The following DOCK1 variants were observed in gnomAD, a reference collection of about 807,000 sequenced individuals.
DOCK1 encodes dedicator of cytokinesis 1.
Under a neutral mutation model 262.7 loss-of-function variants are expected in DOCK1, and 138 were observed. The observed-to-expected ratio is 0.53, with a 90% CI of 0.46 to 0.61. DOCK1 has a LOEUF of 0.61. Among genes scored for constraint, DOCK1 ranks in the 20% least tolerant of loss-of-function variants. The pLI, the probability that DOCK1 is intolerant of heterozygous loss-of-function variation, is 0.00. For synonymous variants in DOCK1, 866 were observed against 867.4 expected (o/e 1.00, Z 0.03); for missense variants, 1,908 against 2,370.7 (o/e 0.80, Z 4.05).
intron 16 of DOCK1, among the ~76,000 whole-genome samples, chr10:127,026,966 C>T (rs146310835): frequency 1.3e-5 from 2 of 152,250 alleles, no homozygotes; most frequent in African/African-American, 4.8e-5. Flanking sequence ...TGTTCCATCA[C>T]ATTTTGTTAA....
At chr10:127,088,670 G>T (rs936828139) in intron 23 of DOCK1, among the ~76,000 whole-genome samples, 3 of 152,014 alleles carry the variant, frequency 2.0e-5, no homozygotes, top group African/African-American at 7.3e-5. Flanking sequence ...GGTTTTGGGA[G>T]GATTCCATTT....
intron 3 of DOCK1, among the ~76,000 whole-genome samples, chr10:126,979,170 G>A (rs982742777): frequency 4.6e-5 from 7 of 152,170 alleles, no homozygotes; most frequent in Non-Finnish European, 7.4e-5. Flanking sequence ...GTGGATGGTG[G>A]AATAGATTTC....
chr10:127,046,757 C>CAAAA (rs5788823), intron 21 of DOCK1, among the ~76,000 whole-genome samples: 11 of 73,354 alleles, frequency 1.5e-4, no homozygotes, highest in African/African-American at 2.7e-4. Flanking sequence ...CACTACGTCT[C>CAAAA]AAAAAAAAAA....
At chr10:127,031,801 C>G (rs565893173) in intron 17 of DOCK1, 48 bp downstream of exon 17, 28 of 1,535,496 alleles carry the variant, frequency 1.8e-5, no homozygotes, top group Middle Eastern at 1.7e-4. Context: ...CAGTTTCAGT[C>G]TTTTCTGGGC....
intron 47 of DOCK1, among the ~76,000 whole-genome samples, chr10:127,427,680 C>T (rs1156858820): frequency 6.6e-6 from 1 of 152,186 alleles, no homozygotes; most frequent in Non-Finnish European, 1.5e-5. Context: ...TTTGGCACCA[C>T]AGAGCTTCTC....
chr10:127,261,408 GGTGT>G (rs201926823), intron 29 of DOCK1, among the ~76,000 whole-genome samples: 44 of 111,216 alleles, frequency 4.0e-4, no homozygotes, highest in African/African-American at 1.1e-3. Context: ...TGTGCATGTG[GGTGT>G]GTGTGTACCC....
chr10:127,449,001 T>C (rs1211787697), intron 51 of DOCK1, among the ~76,000 whole-genome samples: 2 of 152,090 alleles, frequency 1.3e-5, no homozygotes, highest in African/African-American at 4.8e-5. Flanking sequence ...AAACAAGCAG[T>C]CATCTTTAAT....
chr10:127,440,618 C>T (rs867528364), intron 49 of DOCK1, among the ~76,000 whole-genome samples: 16 of 152,168 alleles, frequency 1.1e-4, no homozygotes, highest in South Asian at 2.1e-4. Flanking sequence ...ACTTAAAACC[C>T]AGAAGGTACG....
chr10:127,000,088 A>G, intron 9 of DOCK1, 84 bp from the exon 10 acceptor site: 12 of 1,498,580 alleles, frequency 8.0e-6, no homozygotes, highest in South Asian at 2.5e-5. Context: ...AAGAGTCTCA[A>G]TCCATTTTTT....
intron 4 of DOCK1, among the ~76,000 whole-genome samples, chr10:126,986,012 T>C (rs1258086386): frequency 6.6e-6 from 1 of 151,960 alleles, no homozygotes; most frequent in Non-Finnish European, 1.5e-5. Context: ...GCCCGGCTGA[T>C]TTTTTGTATT....
chr10:127,032,433 A>G (rs552757637), intron 18 of DOCK1, 113 bp downstream of exon 18: 3 of 1,122,884 alleles, frequency 2.7e-6, no homozygotes, highest in South Asian at 1.8e-5. Context: ...CGTCACCCAT[A>G]AGGCATTCAT....
At chr10:127,124,903 A>T (rs2049847371) in intron 25 of DOCK1, among the ~76,000 whole-genome samples, 3 of 152,170 alleles carry the variant, frequency 2.0e-5, no homozygotes, top group African/African-American at 2.4e-5. Context: ...GAGAAAATTC[A>T]TTAAAAAACC....
At chr10:127,207,679 AT>A (rs924797448) in intron 27 of DOCK1, among the ~76,000 whole-genome samples, 1 of 152,234 alleles carries the variant, frequency 6.6e-6, no homozygotes, top group African/African-American at 2.4e-5. Flanking sequence ...CATTATAAAT[AT>A]TTTGGACTTT....
intron 1 of DOCK1, among the ~76,000 whole-genome samples, chr10:126,967,415 G>A (rs2037755058): frequency 6.6e-6 from 1 of 152,158 alleles, no homozygotes; most frequent in African/African-American, 2.4e-5. Context: ...ACTTGTCTGG[G>A]TTTAGGTGCC....
rs1234182862 is a variant in DOCK1, at chr10:127,016,734, C to A, written c.1202-1976C>A. ...CATACGCACATACACACACACACAC[C>A]ACACACACACACACTAACACAGATA... On this transcript the variant is annotated intron_variant, in intron 12 of 51. Transcript: ENST00000623213. 2.8e-4 allele frequency among the ~76,000 whole-genome samples: 15 copies of A among 52,644 alleles called. No individual in the cohort carries two copies. The East Asian group carries it at 6.6e-3, about 23-fold the overall frequency. 34.5% of individuals were successfully genotyped at this position (52,644 alleles called of 152,430 possible). A position where few individuals can be genotyped will look rare whatever the true frequency, so the allele number is the denominator to read the frequency against.
chr10:127,404,104 C>T (rs969939272), intron 39 of DOCK1, among the ~76,000 whole-genome samples: 2 of 152,066 alleles, frequency 1.3e-5, no homozygotes, highest in Admixed American at 6.6e-5. Context: ...GATTCCCTTG[C>T]GGAATGATGG....
chr10:127,012,255 G>A lies in DOCK1; in HGVS notation c.1082G>A (p.Arg361Gln), dbSNP rs756842708. 68 of 1,610,068 alleles carry A rather than the reference G, an allele frequency of 4.2e-5. No homozygotes were observed. In the Admixed American group the frequency reaches 8.3e-4, roughly 20 times the overall value. Reference sequence around the variant, plus strand: ...AGGCTCGCGTTGGACGACGCCATTCGACACAAGCCGCTGAACATGTCATCC... The same window carrying A: ...AGGCTCGCGTTGGACGACGCCATTCAACACAAGCCGCTGAACATGTCATCC... The part of the protein sequence containing the change: ...FQPLALDDAI[R>Q]HKPLNMSSRF... Residue 361 changes from arginine (R) to glutamine (Q), a missense_variant, in exon 12 of 52, where the codon CGA (arginine) becomes CAA (glutamine). Arg to Gln is a conservative substitution (Grantham distance 43, BLOSUM62 1). Around this residue, in one of 9 missense-constraint regions of DOCK1, gnomAD observed 57 missense variants for 39.7 expected, o/e 1.44. Transcript: ENST00000623213. This position sits in a 1 kb window ranked among gnomAD's most constrained non-coding sequence, Gnocchi z 4.0.
At chr10:127,224,711 C>A (rs1035617294) in intron 27 of DOCK1, among the ~76,000 whole-genome samples, 1 of 151,654 alleles carries the variant, frequency 6.6e-6, no homozygotes, top group Admixed American at 6.6e-5. Context: ...GACAGCAAGA[C>A]CCTGTCTCAA....
At chr10:127,242,933 G>T (rs1004009220) in intron 27 of DOCK1, among the ~76,000 whole-genome samples, 1 of 150,542 alleles carries the variant, frequency 6.6e-6, no homozygotes, top group Middle Eastern at 3.2e-3. Flanking sequence ...CTGTGTCTCT[G>T]TTTACAGCTC....
Sources: gnomAD v4.1 joint callset for allele counts (sites outside exome capture counted in the v4.1 genomes callset) on GRCh38, gnomAD v4.1.1 for gene constraint, gnomAD v4.1.1 regional missense constraint, Gnocchi (gnomAD v3.1) non-coding constraint, MANE v1.5 for transcripts, NCBI Gene and HGNC (gene_info 2026-07-23, HGNC 2026-07-21) for gene names.